The following DNAH3 variants were observed in gnomAD, a reference collection of about 807,000 sequenced individuals.
DNAH3 encodes the protein axonemal beta dynein heavy chain 3.
A neutral mutation model predicts 432.5 loss-of-function variants in DNAH3; 332 were observed. The observed-to-expected ratio is 0.77, with a 90% CI of 0.70 to 0.84. DNAH3 has a LOEUF of 0.84. Ranked by LOEUF, DNAH3 falls within the 40% of genes least tolerant of loss-of-function variation. DNAH3 has a pLI of 0.00. For missense variants in DNAH3, 4,861 were observed against 5,114.0 expected, an observed-to-expected ratio of 0.95 and a Z score of 1.51; for synonymous variants, 1,956 against 1,900.2, an observed-to-expected ratio of 1.03 and a Z score of -0.76.
intron 50 of DNAH3, among the ~76,000 whole-genome samples, chr16:20,977,955 T>G (rs960886539): frequency 6.6e-6 from 1 of 152,194 alleles, no homozygotes; most frequent in African/African-American, 2.4e-5. Context: ...CCATTTCCAA[T>G]GTTCTCTCCC....
At chr16:20,979,281 C>A (rs368641848) in intron 50 of DNAH3, 49 bp downstream of exon 50, 1 of 1,578,726 alleles carries the variant, frequency 6.3e-7, no homozygotes. Context: ...TCGGCACATC[C>A]ACCTCGTCCC....
intron 54 of DNAH3, among the ~76,000 whole-genome samples, chr16:20,957,808 CAAAAAAAAAAAAAAAAAAAAAAAA>C (rs762197650): frequency 0.018 from 956 of 53,314 alleles, 35 homozygotes; most frequent in African/African-American, 0.06. Context: ...ACTCCATCTC[CAAAAAAAAAAAAAAAAAAAAAAAA>C]AAAAAAAAAA....
chr16:21,007,203 T>G (rs2087349429), intron 41 of DNAH3, among the ~76,000 whole-genome samples: 1 of 151,726 alleles, frequency 6.6e-6, no homozygotes, highest in African/African-American at 2.4e-5. Flanking sequence ...TATTGGCCAT[T>G]TGTATATCCT....
chr16:21,107,848 C>T (rs952080997), intron 14 of DNAH3, among the ~76,000 whole-genome samples: 2 of 151,834 alleles, frequency 1.3e-5, no homozygotes, highest in Non-Finnish European at 2.9e-5. Flanking sequence ...GTTATTATTA[C>T]TTGATCGTGA....
intron 43 of DNAH3, among the ~76,000 whole-genome samples, chr16:20,999,031 A>C (rs2086894701): frequency 6.6e-6 from 1 of 152,102 alleles, no homozygotes; most frequent in Admixed American, 6.5e-5. Flanking sequence ...CCAAGGCGGG[A>C]AGATCACTTG....
intron 18 of DNAH3, among the ~76,000 whole-genome samples, chr16:21,092,332 G>A (rs575619445): frequency 2.0e-3 from 303 of 152,132 alleles, no homozygotes; most frequent in African/African-American, 7.0e-3. Flanking sequence ...TAGTCAACTG[G>A]TCTTTGATAA....
rs1298675942 is a variant in DNAH3, at chr16:20,954,976, G to GA, written c.10907_10908insT (p.Lys3637GlnfsTer14). On this transcript the variant is annotated frameshift_variant, in exon 55 of 62. Transcript: ENST00000261383. LOFTEE classifies it high-confidence loss of function. Reference sequence around the variant, plus strand: ...GCAACAGGTTGGCCCGGAGCCCTTTGGGGGGCTCATTGGTCATTTTGATTC... The same window carrying GA: ...GCAACAGGTTGGCCCGGAGCCCTTTGAGGGGGCTCATTGGTCATTTTGATTC... The GA allele has an allele frequency of 3.7e-6, 6 of 1,613,982 alleles. No homozygotes were observed. The highest frequency in any genetic ancestry group is 5.1e-6 in the Non-Finnish European group (6 of 1,179,976).
chr16:21,139,943 C>T (rs901281346), intron 5 of DNAH3, among the ~76,000 whole-genome samples: 7 of 151,862 alleles, frequency 4.6e-5, no homozygotes, highest in Middle Eastern at 3.2e-3. Context: ...CCATGCCTGG[C>T]TAATTTTGTT....
rs777989473 is a variant in DNAH3 at position 21,027,102 on chromosome 16, A to G, written c.5465T>C (p.Ile1822Thr). 3.7e-6 allele frequency: 6 copies of G among 1,613,762 alleles called. No individual in the cohort carries two copies. Among genetic ancestry groups the G allele is most frequent in the African/African-American group, 1.3e-5 (1 of 74,994 alleles). ...CAGGCTCATCTTGGAGTTCATCTGG[A>G]TAATTTCCCCACTCATGAGACACAG... Residue 1822 changes from isoleucine (I) to threonine (T), a missense_variant, in exon 38 of 62, where the codon ATC becomes ACC. By Grantham distance (89) the Ile-to-Thr change is moderately conservative. Coordinates refer to ENST00000261383, the Ensembl canonical transcript of DNAH3.
intron 25 of DNAH3, among the ~76,000 whole-genome samples, chr16:21,060,763 G>A (rs796069093): frequency 1.9e-4 from 29 of 150,460 alleles, no homozygotes; most frequent in African/African-American, 7.1e-4. Flanking sequence ...CTGACCTCGT[G>A]ATCTGCCCAC....
At chr16:20,966,797 TGTGA>T (rs2085084440) in intron 52 of DNAH3, among the ~76,000 whole-genome samples, 1 of 152,038 alleles carries the variant, frequency 6.6e-6, no homozygotes, top group South Asian at 2.1e-4. Flanking sequence ...TGATGAACTG[TGTGA>T]GTGAGGCAAA....
At chr16:20,943,967 G>C (rs1043674987) in intron 58 of DNAH3, among the ~76,000 whole-genome samples, 1 of 150,642 alleles carries the variant, frequency 6.6e-6, no homozygotes, top group Non-Finnish European at 1.5e-5. Context: ...CTAGGTAACC[G>C]AGCCAAACCG....
chr16:21,082,512 T>G (rs1048884143), intron 19 of DNAH3, among the ~76,000 whole-genome samples: 1 of 152,062 alleles, frequency 6.6e-6, no homozygotes, highest in Non-Finnish European at 1.5e-5. Context: ...CCCTTTTACT[T>G]TGTAAAATGT....
In DNAH3 at chr16:20,972,312, C is replaced by T. The variant is rs771575403; in HGVS notation, c.8260-2322G>A. Reference sequence around the variant, plus strand: ...GCAGTGGTGGGATCATAGCTCACTGCAGCTCCTGGAATGAAGTGATCCTCC... The same window carrying T: ...GCAGTGGTGGGATCATAGCTCACTGTAGCTCCTGGAATGAAGTGATCCTCC... On this transcript the variant is annotated intron_variant, in intron 51 of 61. Coordinates refer to ENST00000261383, the Ensembl canonical transcript of DNAH3. Among the ~76,000 whole-genome samples, 5 of 151,652 alleles carry T rather than the reference C, an allele frequency of 3.3e-5. No individual in the cohort carries two copies. The East Asian group carries it at 5.8e-4, about 18-fold the overall frequency.
chr16:20,999,025 G>A (rs1421419612), intron 43 of DNAH3, among the ~76,000 whole-genome samples: 1 of 152,180 alleles, frequency 6.6e-6, no homozygotes, highest in Non-Finnish European at 1.5e-5. Context: ...GGGAGGCCAA[G>A]GCGGGAAGAT....
intron 40 of DNAH3, among the ~76,000 whole-genome samples, chr16:21,020,188 T>C (rs2152710184): frequency 6.6e-6 from 1 of 150,404 alleles, no homozygotes; most frequent in South Asian, 2.1e-4. Context: ...ATCTGACTGA[T>C]TTTTGTATTT....
intron 7 of DNAH3, among the ~76,000 whole-genome samples, chr16:21,133,842 A>G (rs980814072): frequency 6.6e-6 from 1 of 152,242 alleles, no homozygotes; most frequent in Non-Finnish European, 1.5e-5. Flanking sequence ...CTTTGGATGT[A>G]GTAAGTTATT....
At chr16:20,967,699 G>T (rs901147128) in intron 52 of DNAH3, among the ~76,000 whole-genome samples, 1 of 151,502 alleles carries the variant, frequency 6.6e-6, no homozygotes, top group Admixed American at 6.6e-5. Flanking sequence ...GTAGAGACAG[G>T]ATTTCACCAT....
chr16:21,067,776 GGAGAGA>G (rs60889532), intron 23 of DNAH3, among the ~76,000 whole-genome samples: 2 of 40,880 alleles, frequency 4.9e-5, no homozygotes, highest in Non-Finnish European at 8.4e-5. Flanking sequence ...GGGTGGGGAG[GGAGAGA>G]GAGAGAGAGA....
Sources: gnomAD v4.1 joint callset for allele counts (sites outside exome capture counted in the v4.1 genomes callset) on GRCh38, gnomAD v4.1.1 for gene constraint, MANE v1.5 for transcripts, NCBI Gene and HGNC (gene_info 2026-07-23, HGNC 2026-07-21) for gene names.